CACNA2D3: variants seen among roughly 807,000 people sequenced by gnomAD.
CACNA2D3 encodes the protein voltage-dependent calcium channel subunit alpha-2/delta-3.
A neutral mutation model predicts 160.6 loss-of-function variants in CACNA2D3; 60 were observed. The ratio of observed to expected loss-of-function variants is 0.37; its 90% CI spans 0.30 to 0.46. CACNA2D3 has a LOEUF of 0.46. Ranked by LOEUF, CACNA2D3 falls within the 20% of genes least tolerant of loss-of-function variation. The pLI, the probability that CACNA2D3 is intolerant of heterozygous loss-of-function variation, is 1.00. For missense variants in CACNA2D3, 1,205 were observed against 1,365.0 expected (o/e 0.88, Z 1.85); for synonymous variants, 558 against 492.9 (o/e 1.13, Z -1.75).
intron 5 of CACNA2D3, among the ~76,000 whole-genome samples, chr3:54,523,928 T>C (rs758397458): frequency 6.6e-5 from 10 of 152,034 alleles, no homozygotes; most frequent in Non-Finnish European, 1.3e-4. Flanking sequence ...GTCAATTTTT[T>C]TATCTTCTTA....
At chr3:54,205,522 A>G (rs140730803) in intron 2 of CACNA2D3, among the ~76,000 whole-genome samples, 12 of 152,350 alleles carry the variant, frequency 7.9e-5, no homozygotes, top group African/African-American at 2.6e-4. Context: ...ACATTATTGA[A>G]TGTTTTGAAA....
At chr3:54,488,487 C>CT (rs1168984109) in intron 4 of CACNA2D3, among the ~76,000 whole-genome samples, 1 of 152,084 alleles carries the variant, frequency 6.6e-6, no homozygotes, top group African/African-American at 2.4e-5. Context: ...AGTGGCCCGA[C>CT]TAGCCTCACA....
intron 3 of CACNA2D3, among the ~76,000 whole-genome samples, chr3:54,353,301 C>G (rs1698596350): frequency 6.6e-6 from 1 of 152,258 alleles, no homozygotes; most frequent in South Asian, 2.1e-4. Context: ...AACGTGAAAT[C>G]CTTGGGAATG....
chr3:54,341,019 A>C (rs73841983), intron 3 of CACNA2D3, among the ~76,000 whole-genome samples: 4,031 of 152,148 alleles, frequency 0.026, 182 homozygotes, highest in African/African-American at 0.091. Context: ...CTGTCCCCTC[A>C]CCTAGACTGC....
At chr3:54,266,813 G>A (rs1702525207) in intron 2 of CACNA2D3, among the ~76,000 whole-genome samples, 1 of 152,206 alleles carries the variant, frequency 6.6e-6, no homozygotes, top group African/African-American at 2.4e-5. Context: ...CCATCACTCA[G>A]GTGGCCCTTG....
intron 5 of CACNA2D3, among the ~76,000 whole-genome samples, chr3:54,545,155 A>G (rs2106672292): frequency 6.6e-6 from 1 of 152,380 alleles, no homozygotes; most frequent in African/African-American, 2.4e-5. Context: ...TTTAGCACCT[A>G]TATTGCTAGA....
intron 2 of CACNA2D3, among the ~76,000 whole-genome samples, chr3:54,294,974 A>G (rs545107817): frequency 6.7e-4 from 100 of 149,224 alleles, no homozygotes; most frequent in African/African-American, 2.4e-3. Context: ...TTTTTTTTTC[A>G]TGTTTGTCTA....
rs572242141 is a variant in CACNA2D3, at chr3:54,999,295, G to A, written c.2691-5468G>A. Among the ~76,000 whole-genome samples the A allele has an allele frequency of 1.4e-3, 213 of 152,264 alleles. 8 individuals carry two copies. In the South Asian group the frequency reaches 0.043, roughly 31 times the overall value. ...GCCTTCTACTTTCCTGGCTTTCTGA[G>A]ATGTAAGAATGAGTAAGGGCTTCCC... On this transcript the variant is annotated intron_variant, in intron 31 of 37. Coordinates refer to ENST00000474759, the MANE Select transcript of CACNA2D3 (RefSeq NM_018398.3).
chr3:54,587,075 T>C (rs1465300564), intron 9 of CACNA2D3, among the ~76,000 whole-genome samples: 1 of 151,978 alleles, frequency 6.6e-6, no homozygotes, highest in Non-Finnish European at 1.5e-5. Context: ...TCTCTAATAA[T>C]TGAAGTTTCC....
chr3:54,357,969 T>C (rs1698678128), intron 3 of CACNA2D3, among the ~76,000 whole-genome samples: 1 of 152,216 alleles, frequency 6.6e-6, no homozygotes, highest in African/African-American at 2.4e-5. Flanking sequence ...TGAAACTGCT[T>C]TGTATGATAC....
intron 11 of CACNA2D3, among the ~76,000 whole-genome samples, chr3:54,666,056 G>A (rs1222406240): frequency 6.6e-6 from 1 of 152,128 alleles, no homozygotes; most frequent in African/African-American, 2.4e-5. Context: ...GAGGGGTATA[G>A]ATGGAATAGA....
At chr3:54,186,694 T>C (rs1700884329) in intron 2 of CACNA2D3, among the ~76,000 whole-genome samples, 1 of 152,148 alleles carries the variant, frequency 6.6e-6, no homozygotes, top group South Asian at 2.1e-4. Context: ...CTCTGCTGTG[T>C]CTGGATTTAT....
intron 35 of CACNA2D3, among the ~76,000 whole-genome samples, chr3:55,028,183 A>G (rs554908799): frequency 8.5e-4 from 129 of 152,326 alleles, no homozygotes; most frequent in African/African-American, 3.0e-3. Flanking sequence ...TGCTCTAAAT[A>G]GAAACCTTCA....
At chr3:54,134,366 C>A (rs940497876) in intron 2 of CACNA2D3, among the ~76,000 whole-genome samples, 3 of 152,232 alleles carry the variant, frequency 2.0e-5, no homozygotes, top group South Asian at 4.2e-4. Context: ...TGGAGAGGCT[C>A]CCCCTGTGGC....
At chr3:54,920,083 A>T (rs1426880985) in intron 27 of CACNA2D3, among the ~76,000 whole-genome samples, 2 of 152,230 alleles carry the variant, frequency 1.3e-5, no homozygotes, top group Non-Finnish European at 2.9e-5. Flanking sequence ...AAAGACTGGC[A>T]CTGCAGTTAG....
At chr3:54,927,690 T>C (rs1478641828) in intron 27 of CACNA2D3, among the ~76,000 whole-genome samples, 1 of 152,178 alleles carries the variant, frequency 6.6e-6, no homozygotes, top group Non-Finnish European at 1.5e-5. Flanking sequence ...GCCAACTACA[T>C]ATTCATGTCA....
At chr3:54,234,145 G>A (rs1418753699) in intron 2 of CACNA2D3, among the ~76,000 whole-genome samples, 1 of 152,022 alleles carries the variant, frequency 6.6e-6, no homozygotes, top group Non-Finnish European at 1.5e-5. Flanking sequence ...GCATCTATAA[G>A]GATCTTAAAT....
chr3:54,312,268 C>G lies in CACNA2D3; in HGVS notation c.205-8174C>G, dbSNP rs895138574. Among the ~76,000 whole-genome samples the G allele has an allele frequency of 2.6e-5, 4 of 152,138 alleles. No homozygotes were observed. In the East Asian group the frequency reaches 5.8e-4, roughly 22 times the overall value. The stretch of plus-strand genomic sequence containing the variant: ...TCCTCATGCAGTGATTTAATTATGT[C>G]GACTCTAGAGGTGTAATTTCAGTTT... On this transcript the variant is annotated intron_variant, in intron 2 of 37. Coordinates refer to ENST00000474759, the MANE Select transcript of CACNA2D3 (RefSeq NM_018398.3).
chr3:54,526,671 C>T (rs1235933367), intron 5 of CACNA2D3, among the ~76,000 whole-genome samples: 1 of 152,024 alleles, frequency 6.6e-6, no homozygotes, highest in Non-Finnish European at 1.5e-5. Context: ...CCTTAAGTAC[C>T]CATAAGTATT....
Sources: gnomAD v4.1 joint callset for allele counts (sites outside exome capture counted in the v4.1 genomes callset) on GRCh38, gnomAD v4.1.1 for gene constraint, MANE v1.5 for transcripts, NCBI Gene and HGNC (gene_info 2026-07-23, HGNC 2026-07-21) for gene names.